Variants in EMILIN2 observed in about 807,000 individuals in gnomAD.
The protein encoded by EMILIN2 is EMILIN-2.
Under a neutral mutation model 87.1 loss-of-function variants are expected in EMILIN2, and 71 were observed. The observed-to-expected ratio is 0.82, with a 90% CI of 0.67 to 0.99. The LOEUF (loss-of-function observed/expected upper bound fraction) is 0.99, where lower values mean the gene tolerates loss of function less well. EMILIN2 is among the 50% of genes least tolerant of loss of function. EMILIN2 has a pLI of 0.00. For missense variants in EMILIN2, 1,407 were observed against 1,371.8 expected, an observed-to-expected ratio of 1.03 and a Z score of -0.40; for synonymous variants, 581 against 563.4, an observed-to-expected ratio of 1.03 and a Z score of -0.44.
chr18:2,912,997 G>T, intron 7 of EMILIN2, 70 bp from the exon 8 acceptor site: 1 of 1,517,164 alleles, frequency 6.6e-7, no homozygotes, highest in Non-Finnish European at 9.0e-7. Flanking sequence ...ATCACTGGGG[G>T]GCCACTTACT....
Position 2,847,715 on chromosome 18 carries a change from C to T in EMILIN2, c.135-94C>T. ...CAGAGGGCGACGGGCCCCCCCGACCCTCGCTCGGTCTGGTGCCGCAGTCCC... is the reference window on the plus strand; with the variant it reads ...CAGAGGGCGACGGGCCCCCCCGACCTTCGCTCGGTCTGGTGCCGCAGTCCC... On this transcript the variant is annotated intron_variant, in intron 1 of 7. Transcript: ENST00000254528. This position sits in a 1 kb window ranked among gnomAD's most constrained non-coding sequence, Gnocchi z 4.5. The T allele has an allele frequency of 6.6e-7, 1 of 1,503,958 alleles. No individual in the cohort carries two copies. The highest frequency in any genetic ancestry group is 8.8e-7 in the Non-Finnish European group (1 of 1,132,310). 93.2% of individuals were successfully genotyped at this position (1,503,958 alleles called of 1,614,324 possible). A position where few individuals can be genotyped will look rare whatever the true frequency, so the allele number is the denominator to read the frequency against.
Position 2,913,499 on chromosome 18 carries a change from G to C in EMILIN2, c.*95G>C. ...TGTATGTAATGGAAGCACGGGGCTA[G>C]AGTTTCCACATAGGCCCCAACATAA... On this transcript the variant is annotated 3_prime_UTR_variant, in exon 8 of 8. Transcript: ENST00000254528. 1 of 1,019,282 alleles carries C rather than the reference G, an allele frequency of 9.8e-7. No individual in the cohort carries two copies. The highest frequency in any genetic ancestry group is 1.6e-5 in the African/African-American group (1 of 61,786). 63.1% of individuals were successfully genotyped at this position (1,019,282 alleles called of 1,614,324 possible). A position where few individuals can be genotyped will look rare whatever the true frequency, so the allele number is the denominator to read the frequency against.
At chr18:2,863,326 A>G (rs1324819903) in intron 2 of EMILIN2, among the ~76,000 whole-genome samples, 1 of 151,972 alleles carries the variant, frequency 6.6e-6, no homozygotes, top group Non-Finnish European at 1.5e-5. Flanking sequence ...TGTCAATTTT[A>G]GATCTTTCCT....
chr18:2,852,298 G>A (rs781772838), intron 2 of EMILIN2, among the ~76,000 whole-genome samples: 24 of 152,112 alleles, frequency 1.6e-4, no homozygotes, highest in Non-Finnish European at 2.2e-4. Context: ...CAGATTGAAC[G>A]CTTAAAGTTG....
chr18:2,851,755 T>A (rs1038656957), intron 2 of EMILIN2, among the ~76,000 whole-genome samples: 1 of 152,230 alleles, frequency 6.6e-6, no homozygotes, highest in African/African-American at 2.4e-5. Flanking sequence ...GGGGTTTTTA[T>A]ATAAGTGGGC....
intron 2 of EMILIN2, among the ~76,000 whole-genome samples, chr18:2,882,989 A>G (rs751061711): frequency 7.9e-5 from 12 of 152,090 alleles, no homozygotes; most frequent in Non-Finnish European, 1.5e-4. Context: ...GCAGTGTACC[A>G]TGATTGTACC....
chr18:2,899,081 T>TA (rs56048908), intron 4 of EMILIN2, among the ~76,000 whole-genome samples: 96,343 of 151,750 alleles, frequency 0.63, 31,675 homozygotes, highest in Non-Finnish European at 0.72. Context: ...CTGGGATCTT[T>TA]AAAAAAAACA....
intron 7 of EMILIN2, 89 bp from the exon 8 acceptor site, chr18:2,912,977 GC>G (rs1206917553): frequency 7.3e-7 from 1 of 1,371,970 alleles, no homozygotes; most frequent in East Asian, 2.4e-5. Flanking sequence ...GGTCTCCCAG[GC>G]CCAGGTTAAT....
intron 2 of EMILIN2, among the ~76,000 whole-genome samples, chr18:2,859,040 A>G (rs910855679): frequency 1.1e-4 from 16 of 152,152 alleles, no homozygotes; most frequent in African/African-American, 3.9e-4. Context: ...ACGTGTAAGT[A>G]TCTTTTTCAT....
intron 2 of EMILIN2, among the ~76,000 whole-genome samples, chr18:2,881,211 G>A (rs911213137): frequency 2.0e-5 from 3 of 152,188 alleles, no homozygotes; most frequent in African/African-American, 4.8e-5. Flanking sequence ...CTTTGTCATC[G>A]TCATGCGACA....
At chr18:2,872,442 G>T (rs970690460) in intron 2 of EMILIN2, among the ~76,000 whole-genome samples, 1 of 152,060 alleles carries the variant, frequency 6.6e-6, no homozygotes, top group Non-Finnish European at 1.5e-5. Flanking sequence ...GGCTGGCCTC[G>T]AACCCTTATG....
chr18:2,846,900 G>GCGTTTC (rs1422328537), upstream of EMILIN2: 1 of 989,334 alleles, frequency 1.0e-6, no homozygotes, highest in African/African-American at 1.7e-5. This position sits in a 1 kb window ranked among gnomAD's most constrained non-coding sequence, Gnocchi z 5.3. Flanking sequence ...ACTTGGTGGG[G>GCGTTTC]GGAGAGTCAC....
At position 2,906,858 on chromosome 18, in the gene EMILIN2, G is replaced by A. The variant is rs925152184; in HGVS notation, c.2435G>A (p.Ser812Asn). Residue 812 changes from serine (S) to asparagine (N), a missense_variant, in exon 5 of 8, where the codon AGC becomes AAC. Transcript: ENST00000254528. ...CCCGAGCCCGCCCCGCCGAGGCCCA[G>A]CGGCCCCGCAACCGCAGAGGACCCT... ...LQPEPAPPRPSGPATAEDPGR... is the reference protein window; with the variant it reads ...LQPEPAPPRPNGPATAEDPGR... 30 of 1,361,606 alleles carry A rather than the reference G, an allele frequency of 2.2e-5. No homozygotes were observed. The highest frequency in any genetic ancestry group is 2.8e-5 in the Non-Finnish European group (30 of 1,057,034). 84.3% of individuals were successfully genotyped at this position (1,361,606 alleles called of 1,614,324 possible).
intron 2 of EMILIN2, among the ~76,000 whole-genome samples, chr18:2,850,179 A>G (rs1385664973): frequency 1.3e-5 from 2 of 150,998 alleles, no homozygotes; most frequent in African/African-American, 2.4e-5. Flanking sequence ...AGCTCAGGCA[A>G]TCCGCCCGCC....
chr18:2,846,775 A>G (rs1287861601), upstream of EMILIN2: 6 of 985,272 alleles, frequency 6.1e-6, no homozygotes, highest in East Asian at 2.3e-4. This position sits in a 1 kb window ranked among gnomAD's most constrained non-coding sequence, Gnocchi z 5.3. Flanking sequence ...GCATCTGGGA[A>G]GAGACCAAAG....
intron 2 of EMILIN2, 35 bp from the exon 3 acceptor site, chr18:2,884,929 C>A (rs772090215): frequency 6.5e-7 from 1 of 1,537,542 alleles, no homozygotes; most frequent in East Asian, 2.3e-5. Flanking sequence ...GTAACGGCAG[C>A]CAGTAAAGAG....
intron 3 of EMILIN2, among the ~76,000 whole-genome samples, chr18:2,887,498 A>C (rs1488512815): frequency 3.6e-4 from 21 of 58,134 alleles, no homozygotes; most frequent in Non-Finnish European, 8.5e-4. Context: ...TTGCTCTGTT[A>C]GTACACGAGA....
rs982580309 is a variant in EMILIN2 at position 2,913,632 on chromosome 18, G to A, written c.*228G>A. On this transcript the variant is annotated 3_prime_UTR_variant, in exon 8 of 8. Transcript: ENST00000254528. ...CACTGACTTTTCTGCCACTCTAACT[G>A]GACAACTGGAAGACTTGGAAAGGCC... is the stretch of plus-strand genomic sequence containing the variant. 60 of 503,798 alleles carry A rather than the reference G, an allele frequency of 1.2e-4. 2 individuals are homozygous for A. In the South Asian group the frequency reaches 1.3e-3, roughly 11 times the overall value. 31.2% of individuals were successfully genotyped at this position (503,798 alleles called of 1,614,324 possible). A position where few individuals can be genotyped will look rare whatever the true frequency, so the allele number is the denominator to read the frequency against.
Position 2,891,788 on chromosome 18 carries a change from T to C in EMILIN2, c.1661T>C (p.Leu554Pro), listed in dbSNP as rs749683725. The change falls in exon 4 of 8, where the codon CTG becomes CCG. Residue 554 changes from leucine (L) to proline (P), a missense_variant. Transcript: ENST00000254528. This position sits in a 1 kb window ranked among gnomAD's most constrained non-coding sequence, Gnocchi z 4.6. Reference sequence around the variant, plus strand: ...GTTCAAGTTGTTGAAGACATTTGCCTGCTGAACATCCAGGGAAAGCCTCAT... The same window carrying C: ...GTTCAAGTTGTTGAAGACATTTGCCCGCTGAACATCCAGGGAAAGCCTCAT... ...DKVQVVEDIC[L>P]LNIQGKPHGM... The C allele has an allele frequency of 6.2e-7, 1 of 1,614,232 alleles. No homozygotes were observed. Among genetic ancestry groups the C allele is most frequent in the Non-Finnish European group, 8.5e-7 (1 of 1,180,046 alleles).
Sources: gnomAD v4.1 joint callset for allele counts (sites outside exome capture counted in the v4.1 genomes callset) on GRCh38, gnomAD v4.1.1 for gene constraint, Gnocchi (gnomAD v3.1) non-coding constraint, MANE v1.5 for transcripts, NCBI Gene and HGNC (gene_info 2026-07-23, HGNC 2026-07-21) for gene names.